The following FMN1 variants were observed in gnomAD, a reference collection of about 807,000 sequenced individuals.
FMN1 encodes the protein formin-1.
In FMN1, 110 loss-of-function variants were observed where a neutral mutation model predicts 132.4. The observed-to-expected ratio is 0.83, with a 90% CI of 0.71 to 0.97. FMN1 has a LOEUF of 0.97. Among genes scored for constraint, FMN1 ranks in the 50% least tolerant of loss-of-function variants. The probability of loss-of-function intolerance (pLI) is 0.00; values close to 1 mark genes in which losing one functional copy is unlikely to be tolerated. For missense variants in FMN1, 1,792 were observed against 1,705.3 expected, an observed-to-expected ratio of 1.05 and a Z score of -0.90; for synonymous variants, 722 against 651.7, an observed-to-expected ratio of 1.11 and a Z score of -1.64.
chr15:33,119,441 C>G (rs1236912214), intron 4 of FMN1, among the ~76,000 whole-genome samples: 2 of 152,192 alleles, frequency 1.3e-5, no homozygotes, highest in African/African-American at 4.8e-5. Flanking sequence ...CTCCCCTGCT[C>G]CATCGCAAGA....
intron 19 of FMN1, among the ~76,000 whole-genome samples, chr15:32,780,904 C>T (rs1216321122): frequency 1.3e-5 from 2 of 152,108 alleles, no homozygotes; most frequent in Non-Finnish European, 2.9e-5. Flanking sequence ...AGACATCTAT[C>T]TGTATTTATA....
chr15:32,981,518 A>AAATAATAATAATAATAATAAT (rs34776483), intron 7 of FMN1, among the ~76,000 whole-genome samples: 11 of 140,636 alleles, frequency 7.8e-5, no homozygotes, highest in African/African-American at 2.4e-4. Flanking sequence ...ACTCCATCTC[A>AAATAATAATAATAATAATAAT]AATAATAATA....
chr15:33,177,614 C>A (rs76546265), intron 3 of FMN1, among the ~76,000 whole-genome samples: 7 of 152,124 alleles, frequency 4.6e-5, no homozygotes, highest in Admixed American at 3.9e-4. Flanking sequence ...GTAAATTCAG[C>A]GCACAAATAG....
rs1018756425 is a variant in FMN1 at position 33,153,164 on chromosome 15, C to G, written c.1751G>C (p.Gly584Ala). The change falls in exon 4 of 21, where the codon GGA becomes GCA. Residue 584 changes from glycine to alanine, a missense_variant. Physicochemically the swap from Gly to Ala is moderately conservative, Grantham distance 60. This residue lies in a region of FMN1 where 1,150 missense variants were observed against 1,043.1 expected (regional missense o/e 1.10). Transcript: ENST00000616417. ...PSSAKVTETK[G>A]ASPAFLRAGQ... ...TGCTCTGAGGAAGGCCGGGCTGGCTCCTTTGGTCTCCGTGACCTTTGCAGA... is the reference window on the plus strand; with the variant it reads ...TGCTCTGAGGAAGGCCGGGCTGGCTGCTTTGGTCTCCGTGACCTTTGCAGA... The G allele has an allele frequency of 8.5e-6, 13 of 1,536,000 alleles. No individual in the cohort carries two copies. Among genetic ancestry groups the G allele is most frequent in the Non-Finnish European group, 1.1e-5 (13 of 1,146,928 alleles).
At chr15:32,849,462 G>A (rs1241270570) in intron 17 of FMN1, among the ~76,000 whole-genome samples, 1 of 150,282 alleles carries the variant, frequency 6.7e-6, no homozygotes, top group Non-Finnish European at 1.5e-5. Flanking sequence ...AATACATACA[G>A]ACTTTTTTTT....
chr15:33,012,079 C>T, intron 6 of FMN1: 1 of 363,884 alleles, frequency 2.7e-6, no homozygotes, highest in Non-Finnish European at 5.1e-6. Flanking sequence ...TGTCAGTGGA[C>T]AGCACCAAAG....
At chr15:33,063,420 A>G (rs1203822638) in intron 6 of FMN1, 1 of 152,218 alleles carries the variant, frequency 6.6e-6, no homozygotes, top group Non-Finnish European at 1.5e-5. Context: ...TTCGATAGCG[A>G]CTTCTACTCT....
chr15:32,883,906 G>C (rs1032894072), intron 16 of FMN1, among the ~76,000 whole-genome samples: 1 of 152,172 alleles, frequency 6.6e-6, no homozygotes, highest in Admixed American at 6.5e-5. Context: ...TTTTCGTACA[G>C]AGCATGTCCA....
intron 9 of FMN1, among the ~76,000 whole-genome samples, chr15:32,957,810 G>A (rs546653923): frequency 6.6e-6 from 1 of 152,242 alleles, no homozygotes; most frequent in South Asian, 2.1e-4. Flanking sequence ...AAATCAGTGT[G>A]AGAAGGTTAA....
chr15:33,171,213 A>G (rs1965310073), intron 3 of FMN1, among the ~76,000 whole-genome samples: 2 of 152,198 alleles, frequency 1.3e-5, no homozygotes, highest in Non-Finnish European at 2.9e-5. Context: ...AGAGACTGAG[A>G]AGGGGATGTG....
At chr15:32,856,753 G>T (rs1243650281) in intron 17 of FMN1, among the ~76,000 whole-genome samples, 1 of 152,184 alleles carries the variant, frequency 6.6e-6, no homozygotes, top group African/African-American at 2.4e-5. Flanking sequence ...AGACAAAAAA[G>T]TTTGTCCTCA....
intron 5 of FMN1, 78 bp from the exon 6 acceptor site, chr15:33,065,152 A>G (rs565781401): frequency 1.1e-6 from 1 of 893,486 alleles, no homozygotes; most frequent in African/African-American, 1.7e-5. Context: ...TGCTAAACCT[A>G]ATTCTGAAGT....
intron 4 of FMN1, among the ~76,000 whole-genome samples, chr15:33,116,292 G>C (rs1335372566): frequency 6.6e-6 from 1 of 152,048 alleles, no homozygotes; most frequent in Non-Finnish European, 1.5e-5. Flanking sequence ...AGTATCCTTG[G>C]TTCACATTAA....
chr15:33,007,432 T>C (rs1024694139), intron 7 of FMN1, among the ~76,000 whole-genome samples: 1 of 152,026 alleles, frequency 6.6e-6, no homozygotes, highest in African/African-American at 2.4e-5. Flanking sequence ...AAATGCCAAA[T>C]ACAGGGAAAG....
At chr15:33,110,620 C>T (rs189071502) in intron 4 of FMN1, among the ~76,000 whole-genome samples, 25 of 152,000 alleles carry the variant, frequency 1.6e-4, no homozygotes, top group East Asian at 1.4e-3. Flanking sequence ...CACGTCCCCC[C>T]GCCCCTCACA....
At chr15:33,166,347 C>T (rs577130014) in intron 3 of FMN1, among the ~76,000 whole-genome samples, 1 of 150,576 alleles carries the variant, frequency 6.6e-6, no homozygotes, top group Admixed American at 6.6e-5. Flanking sequence ...TAAAGAAAGA[C>T]CAATGAAACA....
chr15:33,105,172 G>A (rs2039437384), intron 4 of FMN1, among the ~76,000 whole-genome samples: 1 of 152,022 alleles, frequency 6.6e-6, no homozygotes, highest in African/African-American at 2.4e-5. Flanking sequence ...TAAGACAGGT[G>A]CTCTCTGTGC....
At chr15:33,079,516 G>A (rs1272708145) in intron 5 of FMN1, among the ~76,000 whole-genome samples, 7 of 152,202 alleles carry the variant, frequency 4.6e-5, no homozygotes, top group Admixed American at 3.3e-4. Flanking sequence ...CCAGCTACTT[G>A]GGAGGCTGAG....
chr15:33,068,255 A>G (rs930761424), intron 5 of FMN1: 2 of 188,384 alleles, frequency 1.1e-5, no homozygotes, highest in African/African-American at 4.7e-5. Context: ...CCAACCCAGG[A>G]CTTCACGAGG....
Sources: gnomAD v4.1 joint callset for allele counts (sites outside exome capture counted in the v4.1 genomes callset) on GRCh38, gnomAD v4.1.1 for gene constraint, gnomAD v4.1.1 regional missense constraint, MANE v1.5 for transcripts, NCBI Gene and HGNC (gene_info 2026-07-23, HGNC 2026-07-21) for gene names.